The following LRRC51 variants were observed in gnomAD, a reference collection of about 807,000 sequenced individuals.
LRRC51 encodes the protein leucine-rich repeat-containing protein 51.
In LRRC51, 8 loss-of-function variants were observed where a neutral mutation model predicts 17.8. The ratio of observed to expected loss-of-function variants is 0.45; its 90% CI spans 0.26 to 0.81. The LOEUF is 0.81. Ranked by LOEUF, LRRC51 falls within the 30% of genes least tolerant of loss-of-function variation. The pLI is 0.17. For synonymous variants in LRRC51, 92 were observed against 96.0 expected (o/e 0.96, Z 0.24); for missense variants, 233 against 239.3 (o/e 0.97, Z 0.17).
Position 72,095,415 on chromosome 11 carries a change from G to A in LRRC51, c.474G>A (p.Thr158=), listed in dbSNP as rs537597799. Residue 158 remains threonine (T), a synonymous_variant, in exon 6 of 6, where the codon ACG becomes ACA. Transcript: ENST00000289488. ...TGTGCACCCTGTCCCGTATCACCAC[G>A]TTCGACTTCAGTGGGGTCACCAAAG... ...YVLCTLSRIT[T]FDFSGVTKAD... is the part of the protein sequence containing the mutation. The A allele has an allele frequency of 2.8e-5, 46 of 1,614,064 alleles. No homozygotes were observed. Among genetic ancestry groups the A allele is most frequent in the Admixed American group, 5.0e-5 (3 of 60,020 alleles).
At chr11:72,083,847 T>C (rs1944378440) in intron 1 of LRRC51, 1 of 152,130 alleles carries the variant, frequency 6.6e-6, no homozygotes, top group South Asian at 2.1e-4. Context: ...AGGGAACTTA[T>C]GGTGAGTGGT....
At chr11:72,089,304 G>A (rs757435329) in intron 3 of LRRC51, 139 bp downstream of exon 3, 2 of 1,520,078 alleles carry the variant, frequency 1.3e-6, no homozygotes, top group East Asian at 2.4e-5. Flanking sequence ...GTCTTTTGGA[G>A]GGTAGGGGAG....
Position 72,095,059 on chromosome 11 carries a change from C to G in LRRC51, c.400C>G (p.Leu134Val). The change falls in exon 5 of 6, where the codon CTC becomes GTC. Residue 134 changes from leucine (L) to valine (V), a missense_variant. Coordinates refer to ENST00000289488, the MANE Select transcript of LRRC51 (RefSeq NM_145309.6). ...CCTTCCTCGGCTCCGTAGCCTGACA[C>G]TCCATGGGAACCCCATGGAGGAAGA... is the stretch of plus-strand genomic sequence containing the variant. ...AVLPRLRSLT[L>V]HGNPMEEEKG... The G allele has an allele frequency of 6.2e-7, 1 of 1,614,116 alleles. No homozygotes were observed. The highest frequency in any genetic ancestry group is 8.5e-7 in the Non-Finnish European group (1 of 1,180,034).
intron 1 of LRRC51, among the ~76,000 whole-genome samples, chr11:72,084,061 G>A (rs182888170): frequency 1.1e-4 from 17 of 152,310 alleles, no homozygotes; most frequent in African/African-American, 3.8e-4. Context: ...CAGTGGCACA[G>A]TCATAGCTCA....
intron 1 of LRRC51, among the ~76,000 whole-genome samples, chr11:72,082,319 C>T (rs903761589): frequency 6.6e-6 from 1 of 152,188 alleles, no homozygotes; most frequent in African/African-American, 2.4e-5. Flanking sequence ...CTGACTGGTC[C>T]ACTTACTACC....
chr11:72,095,803 G>T lies in LRRC51; in HGVS notation c.*283G>T. The T allele has an allele frequency of 3.4e-6, 2 of 595,050 alleles. No individual in the cohort carries two copies. The highest frequency in any genetic ancestry group is 2.6e-6 in the Non-Finnish European group (1 of 384,138). The allele number at this position is 595,050 out of a possible 1,614,324, so 36.9% of individuals were successfully genotyped here. ...TTCTCCTGCCTCAGCCTCCCCAGTAGCTGTGATTAAAGGCGCCTGCCACCA... is the reference window on the plus strand; with the variant it reads ...TTCTCCTGCCTCAGCCTCCCCAGTATCTGTGATTAAAGGCGCCTGCCACCA... On this transcript the variant is annotated 3_prime_UTR_variant, in exon 6 of 6. Transcript: ENST00000289488.
intron 2 of LRRC51, 101 bp from the exon 3 acceptor site, chr11:72,088,928 G>T: frequency 7.4e-7 from 1 of 1,359,068 alleles, no homozygotes. Flanking sequence ...ATACAGCCAG[G>T]CAGGCCTAGA....
intron 3 of LRRC51, among the ~76,000 whole-genome samples, chr11:72,091,805 C>CA: frequency 6.6e-6 from 1 of 152,282 alleles, no homozygotes; most frequent in Non-Finnish European, 1.5e-5. Flanking sequence ...AGGCTGGTCT[C>CA]AAACGCCTAG....
chr11:72,087,825 A>ATTT (rs1944628633), intron 1 of LRRC51, among the ~76,000 whole-genome samples: 1 of 152,178 alleles, frequency 6.6e-6, no homozygotes, highest in African/African-American at 2.4e-5. Context: ...ATTAAAATTA[A>ATTT]TTTCACCACT....
At chr11:72,085,041 C>T (rs1176674918) in intron 1 of LRRC51, among the ~76,000 whole-genome samples, 1 of 152,052 alleles carries the variant, frequency 6.6e-6, no homozygotes, top group Admixed American at 6.6e-5. Flanking sequence ...AGTTAAAAAA[C>T]AAAACAGTTA....
intron 1 of LRRC51, chr11:72,086,231 AGTGGGCAGCT>A: frequency 3.4e-6 from 2 of 590,288 alleles, no homozygotes; most frequent in Non-Finnish European, 6.0e-6. Context: ...GTATTCACTA[AGTGGGCAGCT>A]GTTACTTGGA....
chr11:72,096,452 G>A lies in LRRC51; in HGVS notation c.*932G>A. 1.1e-6 allele frequency: 1 copy of A among 908,202 alleles called. No homozygotes were observed. The highest frequency in any genetic ancestry group is 1.4e-6 in the Non-Finnish European group (1 of 727,692). The allele number at this position is 908,202 out of a possible 1,614,324, so 56.3% of individuals were successfully genotyped here. A position where few individuals can be genotyped will look rare whatever the true frequency, so the allele number is the denominator to read the frequency against. On this transcript the variant is annotated 3_prime_UTR_variant, in exon 6 of 6. Coordinates refer to ENST00000289488, the MANE Select transcript of LRRC51 (RefSeq NM_145309.6). The stretch of plus-strand genomic sequence containing the variant: ...GGGGTTTCGCCATGTTGGCCAGGCT[G>A]GTCTCAAACTCCTGACCTCAGGTGA...
intron 1 of LRRC51, chr11:72,085,507 A>T (rs1944482066): frequency 6.6e-6 from 1 of 152,002 alleles, no homozygotes; most frequent in Admixed American, 6.6e-5. Flanking sequence ...TTATAATGAA[A>T]TTAACAGAGA....
rs757127630 is a variant in LRRC51 at position 72,089,059 on chromosome 11, G to C, written c.-25G>C. On this transcript the variant is annotated 5_prime_UTR_variant, in exon 3 of 6. Coordinates refer to ENST00000289488, the MANE Select transcript of LRRC51 (RefSeq NM_145309.6). ...ACCCAGACTCCCAGGGCACCTGCTT[G>C]CACCTTTGAATGATGGCCTGAACTA... 4.3e-6 allele frequency: 7 copies of C among 1,613,002 alleles called. No homozygotes were observed. The highest frequency in any genetic ancestry group is 5.9e-6 in the Non-Finnish European group (7 of 1,179,886).
intron 1 of LRRC51, among the ~76,000 whole-genome samples, chr11:72,082,523 A>G (rs765203478): frequency 1.3e-5 from 2 of 152,184 alleles, no homozygotes; most frequent in South Asian, 2.1e-4. Context: ...CCTTTAGGAT[A>G]CCTCAAAGGC....
chr11:72,089,547 T>A (rs1944738718), intron 3 of LRRC51: 2 of 1,215,828 alleles, frequency 1.6e-6, no homozygotes, highest in Non-Finnish European at 2.1e-6. Context: ...ATTCTCCTGT[T>A]TTTACCTGAA....
intron 1 of LRRC51, among the ~76,000 whole-genome samples, chr11:72,084,861 CGTGTGTGT>C (rs55904624): frequency 0.014 from 1,691 of 124,286 alleles, 23 homozygotes; most frequent in African/African-American, 0.028. Context: ...AAAAGAAAAC[CGTGTGTGT>C]GTGTGTGTGT....
intron 1 of LRRC51, among the ~76,000 whole-genome samples, chr11:72,083,510 T>C (rs191954364): frequency 3.0e-4 from 45 of 152,290 alleles, no homozygotes; most frequent in Middle Eastern, 3.4e-3. Flanking sequence ...ATTATTTAGT[T>C]GCAATTTTTA....
intron 2 of LRRC51, 100 bp from the exon 3 acceptor site, chr11:72,088,929 C>G (rs1591144449): frequency 2.9e-6 from 4 of 1,364,716 alleles, no homozygotes; most frequent in Non-Finnish European, 4.0e-6. Context: ...TACAGCCAGG[C>G]AGGCCTAGAG....
Sources: allele counts gnomAD v4.1 joint callset (sites outside exome capture counted in the v4.1 genomes callset), GRCh38; gene constraint gnomAD v4.1.1; transcripts MANE v1.5; gene names NCBI Gene and HGNC (gene_info 2026-07-23, HGNC 2026-07-21).